Variants in ACACB observed in about 807,000 individuals in gnomAD.
ACACB encodes the protein acetyl-CoA carboxylase beta.
A neutral mutation model predicts 278.8 loss-of-function variants in ACACB; 209 were observed. That is an observed-to-expected ratio of 0.75 (90% CI 0.67 to 0.84). The LOEUF (loss-of-function observed/expected upper bound fraction) is 0.84. ACACB is among the 40% of genes least tolerant of loss of function. The pLI is 0.00. For synonymous variants in ACACB, 1,174 were observed against 1,285.6 expected, an observed-to-expected ratio of 0.91 and a Z score of 1.86; for missense variants, 2,850 against 3,269.0, an observed-to-expected ratio of 0.87 and a Z score of 3.13.
intron 18 of ACACB, among the ~76,000 whole-genome samples, chr12:109,201,148 G>A (rs1392520586): frequency 1.3e-5 from 2 of 152,254 alleles, no homozygotes; most frequent in Non-Finnish European, 2.9e-5. Flanking sequence ...TTCACAGAGT[G>A]TTCCCTGAGG....
intron 2 of ACACB, among the ~76,000 whole-genome samples, chr12:109,157,272 G>GTTATTATTATTATTA (rs71079530): frequency 0.26 from 36,919 of 142,856 alleles, 5,282 homozygotes; most frequent in South Asian, 0.31. Context: ...TTCTAGAGTT[G>GTTATTATTATTATTA]TTATTATTAT....
chr12:109,152,100 T>C (rs2043390001), intron 2 of ACACB, among the ~76,000 whole-genome samples: 1 of 152,216 alleles, frequency 6.6e-6, no homozygotes, highest in Non-Finnish European at 1.5e-5. Context: ...AGGCTGTCTT[T>C]CAGGCTGTAT....
In ACACB at chr12:109,203,007, A is replaced by G. The variant is rs1037186292; in HGVS notation, c.2913+1306A>G. 3.9e-5 allele frequency among the ~76,000 whole-genome samples: 6 copies of G among 152,016 alleles called. No homozygotes were observed. In the South Asian group the frequency reaches 1.2e-3, roughly 31 times the overall value. ...GAAACTTGACACTCGTTAAATGGTA[A>G]CTCCTGAGTCCCTCCTCCCTCCAGC... On this transcript the variant is annotated intron_variant, in intron 19 of 52. Transcript: ENST00000338432.
At chr12:109,232,290 A>G (rs1342747691) in intron 28 of ACACB, among the ~76,000 whole-genome samples, 2 of 152,158 alleles carry the variant, frequency 1.3e-5, no homozygotes, top group Non-Finnish European at 2.9e-5. Context: ...GTCCGTCAGG[A>G]CCAAGCCTGA....
At chr12:109,262,675 G>A (rs1247414587) in intron 49 of ACACB, among the ~76,000 whole-genome samples, 2 of 152,010 alleles carry the variant, frequency 1.3e-5, no homozygotes, top group African/African-American at 4.8e-5. Context: ...AGGCTGGAGT[G>A]CAGGGTGCAA....
chr12:109,183,327 T>G (rs2044544812), intron 11 of ACACB, among the ~76,000 whole-genome samples: 1 of 152,146 alleles, frequency 6.6e-6, no homozygotes, highest in Non-Finnish European at 1.5e-5. Flanking sequence ...AGAATGTCAT[T>G]GGTATTTTGG....
At position 109,247,665 on chromosome 12, in the gene ACACB, C is replaced by T. The variant is rs778411214; in HGVS notation, c.5631C>T (p.Ser1877=). Residue 1877 remains serine, a synonymous_variant, in exon 40 of 53, where the codon TCC becomes TCT. Coordinates refer to ENST00000338432, the MANE Select transcript of ACACB (RefSeq NM_001093.4). ...ACACCAGAATCAGCTCCCTGAACTC[C>T]GTCCACTGTAAACACATCGAGGAAG... The part of the protein sequence containing the change: ...QDYTRISSLN[S]VHCKHIEEGG... 53 of 1,613,776 alleles carry T rather than the reference C, an allele frequency of 3.3e-5. No homozygotes were observed. Among genetic ancestry groups the T allele is most frequent in the Middle Eastern group, 1.6e-4 (1 of 6,074 alleles).
chr12:109,171,926 G>A lies in ACACB; in HGVS notation c.1035+12G>A, dbSNP rs1211523118. The A allele has an allele frequency of 5.0e-6, 8 of 1,608,122 alleles. No homozygotes were observed. The highest frequency in any genetic ancestry group is 1.3e-5 in the African/African-American group (1 of 74,796). On this transcript the variant is annotated intron_variant, in intron 5 of 52. Coordinates refer to ENST00000338432, the MANE Select transcript of ACACB (RefSeq NM_001093.4). ...GAATCCCCGTGCAGGTAGATGGACT[G>A]GGGTGCCCAAGTGTGGCCCCTGAGT...
upstream of ACACB, among the ~76,000 whole-genome samples, chr12:109,114,787 G>A (rs1392624472): frequency 6.6e-6 from 1 of 151,978 alleles, no homozygotes; most frequent in Non-Finnish European, 1.5e-5. Flanking sequence ...AGGAGTTCGA[G>A]GCTGCAGTGA....
chr12:109,169,202 TG>T (rs1472689457), intron 4 of ACACB, among the ~76,000 whole-genome samples: 1 of 151,846 alleles, frequency 6.6e-6, no homozygotes, highest in Non-Finnish European at 1.5e-5. Context: ...CAGGTCTTTT[TG>T]TGCTTCTCCT....
In ACACB at chr12:109,175,937, C is replaced by G; in HGVS notation, c.1223C>G (p.Thr408Arg). Reference sequence around the variant, plus strand: ...TTTCTTTGTGACTCTCCAGGCCTGACAGTGGAGTGGACAGAAGATGATCTG... The same window carrying G: ...TTTCTTTGTGACTCTCCAGGCCTGAGAGTGGAGTGGACAGAAGATGATCTG... ...PTLPWSGSGL[T>R]VEWTEDDLQQ... Residue 408 changes from threonine to arginine, a missense_variant, in exon 8 of 53, where the codon ACA (threonine) becomes AGA (arginine). Thr to Arg is a moderately conservative substitution (Grantham distance 71). Around this residue, in one of 3 missense-constraint regions of ACACB, gnomAD observed 2,265 missense variants for 2,561.3 expected, o/e 0.88. Transcript: ENST00000338432. The G allele has an allele frequency of 6.2e-7, 1 of 1,613,944 alleles. No individual in the cohort carries two copies. The highest frequency in any genetic ancestry group is 8.5e-7 in the Non-Finnish European group (1 of 1,179,898).
chr12:109,190,170 A>G (rs1005361698), intron 13 of ACACB, among the ~76,000 whole-genome samples: 2 of 152,146 alleles, frequency 1.3e-5, no homozygotes, highest in Non-Finnish European at 2.9e-5. Context: ...AGGTGTTCAG[A>G]TACCTGCCCA....
chr12:109,189,558 T>A (rs937403654), intron 13 of ACACB, among the ~76,000 whole-genome samples: 6 of 152,160 alleles, frequency 3.9e-5, no homozygotes, highest in Admixed American at 2.0e-4. Context: ...GTCCTCGTTT[T>A]CCTGGCACCG....
At chr12:109,250,690 GGTA>G (rs1347233902) in intron 41 of ACACB, among the ~76,000 whole-genome samples, 1 of 152,150 alleles carries the variant, frequency 6.6e-6, no homozygotes, top group Non-Finnish European at 1.5e-5. Context: ...TAGCAGTGGT[GGTA>G]GTAGTGGTGG....
Position 109,117,047 on chromosome 12 carries a change from CT to C in ACACB, c.-10+366del, listed in dbSNP as rs71747045. Among the ~76,000 whole-genome samples the C allele has an allele frequency of 6.8e-3, 744 of 109,064 alleles. 7 individuals are homozygous for C. The highest frequency in any genetic ancestry group is 0.015 in the African/African-American group (427 of 28,244). The allele number at this position is 109,064 out of a possible 152,430, so 71.6% of individuals were successfully genotyped here. On this transcript the variant is annotated intron_variant, in intron 1 of 52. Coordinates refer to ENST00000338432, the MANE Select transcript of ACACB (RefSeq NM_001093.4). ...GTTTCTGTTTCCTCAAATGGTTGTT[CT>C]TTTTTTTTTTTTTTTTTTTTTTAAA...
chr12:109,205,083 G>A (rs1310943087), intron 19 of ACACB, among the ~76,000 whole-genome samples: 2 of 151,994 alleles, frequency 1.3e-5, no homozygotes, highest in Non-Finnish European at 1.5e-5. Context: ...TGACCTCCTG[G>A]CCTCAAGCGA....
intron 2 of ACACB, among the ~76,000 whole-genome samples, chr12:109,153,675 T>G (rs187856760): frequency 8.5e-5 from 13 of 152,288 alleles, no homozygotes; most frequent in Admixed American, 3.3e-4. Context: ...TTATTTTTGA[T>G]TTTTTGAGAT....
intron 2 of ACACB, among the ~76,000 whole-genome samples, chr12:109,142,198 A>G (rs1373563092): frequency 6.6e-6 from 1 of 152,172 alleles, no homozygotes; most frequent in Non-Finnish European, 1.5e-5. Context: ...ATAGTGAGCT[A>G]TAATTGTGCC....
intron 33 of ACACB, 61 bp downstream of exon 33, chr12:109,235,708 T>A: frequency 6.7e-7 from 1 of 1,485,824 alleles, no homozygotes; most frequent in Non-Finnish European, 9.3e-7. Context: ...TTTTAAGAGA[T>A]GGGATGGGGC....
Sources: allele counts gnomAD v4.1 joint callset (sites outside exome capture counted in the v4.1 genomes callset), GRCh38; gene constraint gnomAD v4.1.1; regional missense constraint gnomAD v4.1.1; transcripts MANE v1.5; gene names NCBI Gene and HGNC (gene_info 2026-07-23, HGNC 2026-07-21).